Variants in PHEX observed in about 807,000 individuals in gnomAD.
PHEX encodes the protein phosphate regulating endopeptidase X-linked, also known as phosphate-regulating neutral endopeptidase PHEX.
Under a neutral mutation model 68.0 loss-of-function variants are expected in PHEX, and 16 were observed. The observed-to-expected ratio is 0.24, with a 90% confidence interval of 0.16 to 0.36. PHEX has a LOEUF of 0.36. Among genes scored for constraint, PHEX ranks in the 10% least tolerant of loss-of-function variants. PHEX has a pLI of 1.00. For missense variants in PHEX, 480 were observed against 575.5 expected, an observed-to-expected ratio of 0.83 and a Z score of 1.70; for synonymous variants, 208 against 205.1, an observed-to-expected ratio of 1.01 and a Z score of -0.12.
Position 22,089,017 on chromosome X carries a change from G to A in PHEX, c.664-1412G>A, listed in dbSNP as rs536650548. Among the ~76,000 whole-genome samples the A allele has an allele frequency of 1.6e-3, 179 of 111,864 alleles. 1 individual carries two copies. The highest frequency in any genetic ancestry group is 2.4e-3 in the Non-Finnish European group (127 of 53,127). ...AAGGTTTATTTTCTTTTTGCTTATG[G>A]ATGCCCAGTTTTTCTTTTCTTTGAG... On this transcript the variant is annotated intron_variant, in intron 5 of 21. Coordinates refer to ENST00000379374, the MANE Select transcript of PHEX (RefSeq NM_000444.6).
At position 22,240,977 on chromosome X, in the gene PHEX, T is replaced by A. The variant is rs773653237; in HGVS notation, c.2071-4356T>A. On this transcript the variant is annotated intron_variant, in intron 20 of 21. Coordinates refer to ENST00000379374, the MANE Select transcript of PHEX (RefSeq NM_000444.6). ...AATCAAATCAACAGAATATACATTC[T>A]TCTCAGCACCACATCACACTTATTC... Among the ~76,000 whole-genome samples, 3 of 112,304 alleles carry A rather than the reference T, an allele frequency of 2.7e-5. No individual in the cohort carries two copies. In the East Asian group the frequency reaches 8.3e-4, roughly 31 times the overall value.
intron 12 of PHEX, among the ~76,000 whole-genome samples, chrX:22,148,311 C>A (rs1319995319): frequency 1.8e-5 from 2 of 111,131 alleles, no homozygotes; most frequent in African/African-American, 6.5e-5. Context: ...AAAGCAGAAG[C>A]TGCCGGTCCT....
chrX:22,071,823 C>A (rs1015601143), intron 3 of PHEX, among the ~76,000 whole-genome samples: 1 of 112,606 alleles, frequency 8.9e-6, no homozygotes, highest in African/African-American at 3.2e-5. Flanking sequence ...TGTCACCGGG[C>A]GCGGTGGCTC....
chrX:22,230,935 A>AT (rs1046533167), intron 20 of PHEX, among the ~76,000 whole-genome samples: 11 of 111,655 alleles, frequency 9.9e-5, no homozygotes, highest in Admixed American at 3.8e-4. Flanking sequence ...AGCTCTTCCA[A>AT]TTTTGAGATA....
At chrX:22,148,745 C>T (rs774737962) in intron 12 of PHEX, among the ~76,000 whole-genome samples, 10 of 111,301 alleles carry the variant, frequency 9.0e-5, no homozygotes, top group Non-Finnish European at 1.3e-4. Flanking sequence ...ATTTTTCTTT[C>T]TGTGTTTTGC....
Position 22,226,436 on chromosome X carries a change from C to CTGTT in PHEX, c.1900-6_1900-3dup, listed in dbSNP as rs745411729. 19 of 1,163,631 alleles carry CTGTT rather than the reference C, an allele frequency of 1.6e-5. No homozygotes were observed. Among genetic ancestry groups the CTGTT allele is most frequent in the South Asian group, 1.3e-4 (7 of 53,733 alleles). ...ATTTTTTTTTTTTCCTTTTTTCTTTCTGTTAGGTCAAGGGGAAGAGGACCC... is the reference window on the plus strand; with the variant it reads ...ATTTTTTTTTTTTCCTTTTTTCTTTCTGTTTGTTAGGTCAAGGGGAAGAGGACCC... On this transcript the variant is annotated splice_region_variant and splice_polypyrimidine_tract_variant and intron_variant, in intron 18 of 21. Coordinates refer to ENST00000379374, the MANE Select transcript of PHEX (RefSeq NM_000444.6).
intron 20 of PHEX, among the ~76,000 whole-genome samples, chrX:22,228,275 C>A (rs1008081415): frequency 3.6e-5 from 4 of 111,410 alleles, no homozygotes; most frequent in African/African-American, 1.3e-4. Context: ...GCAGCCTTTT[C>A]AAAGAAGTCA....
chrX:22,044,148 G>T (rs182057094), intron 2 of PHEX, among the ~76,000 whole-genome samples: 1 of 110,621 alleles, frequency 9.0e-6, no homozygotes, highest in East Asian at 2.8e-4. Context: ...GAATACTGGC[G>T]AGATGGAGAG....
At chrX:22,109,641 A>G (rs1930866244) in intron 9 of PHEX, among the ~76,000 whole-genome samples, 1 of 111,478 alleles carries the variant, frequency 9.0e-6, no homozygotes, top group African/African-American at 3.3e-5. Flanking sequence ...CCAGAAAGCC[A>G]TTTCAGGAAT....
At chrX:22,193,040 C>A (rs1380668122) in intron 15 of PHEX, among the ~76,000 whole-genome samples, 1 of 111,327 alleles carries the variant, frequency 9.0e-6, no homozygotes, top group African/African-American at 3.3e-5. Context: ...AATGTCACTT[C>A]TTACTGTATA....
At chrX:22,094,159 C>T (rs1338841006) in intron 7 of PHEX, 60 bp downstream of exon 7, 2 of 673,134 alleles carry the variant, frequency 3.0e-6, no homozygotes, top group African/African-American at 4.3e-5. Context: ...CCTTTACTTT[C>T]TTTTCCTTTC....
rs151243475 is a variant in PHEX at position 22,121,071 on chromosome X, T to C, written c.1302+6485T>C. Among the ~76,000 whole-genome samples the C allele has an allele frequency of 7.1e-3, 799 of 112,324 alleles. 11 individuals are homozygous for C. Among genetic ancestry groups the C allele is most frequent in the African/African-American group, 0.024 (737 of 30,962 alleles). ...TCTCATCTCTGCCAGTAGGTATTTT[T>C]TGCTGCTCCCTCAAATTTTCTGCAT... On this transcript the variant is annotated intron_variant, in intron 11 of 21. Transcript: ENST00000379374.
chrX:22,131,535 C>A (rs1347715548), intron 11 of PHEX, among the ~76,000 whole-genome samples: 5 of 113,151 alleles, frequency 4.4e-5, no homozygotes, highest in African/African-American at 6.4e-5. Flanking sequence ...CCCCGACCCC[C>A]TTCCATCTGC....
intron 3 of PHEX, among the ~76,000 whole-genome samples, chrX:22,062,125 C>A (rs1928395482): frequency 9.0e-6 from 1 of 111,474 alleles, no homozygotes; most frequent in Non-Finnish European, 1.9e-5. Context: ...CCATGACGTT[C>A]TTCCCTCAAC....
chrX:22,233,705 TTCATCTAACCTGTTTTCAA>T (rs914021591), intron 20 of PHEX, among the ~76,000 whole-genome samples: 3 of 111,402 alleles, frequency 2.7e-5, no homozygotes, highest in South Asian at 7.7e-4. Context: ...TAGCTAGCAA[TTCATCTAACCTGTTTTCAA>T]GGTTCTTAGC....
At chrX:22,206,030 A>G (rs1934701415) in intron 15 of PHEX, among the ~76,000 whole-genome samples, 1 of 112,241 alleles carries the variant, frequency 8.9e-6, no homozygotes, top group Non-Finnish European at 1.9e-5. Context: ...AACTGGCTGG[A>G]CTATTTAGCT....
chrX:22,207,781 C>T (rs1017801237), intron 15 of PHEX, among the ~76,000 whole-genome samples: 1 of 111,121 alleles, frequency 9.0e-6, no homozygotes, highest in African/African-American at 3.3e-5. Flanking sequence ...ACCCTATATA[C>T]CCAAAATATT....
chrX:22,152,460 C>A (rs766196115), intron 12 of PHEX, among the ~76,000 whole-genome samples: 2 of 111,881 alleles, frequency 1.8e-5, no homozygotes, highest in Non-Finnish European at 3.8e-5. Context: ...TCCATTCCAT[C>A]TGACCCTCTA....
chrX:22,239,576 G>A (rs1446484947), intron 20 of PHEX, among the ~76,000 whole-genome samples: 6 of 110,523 alleles, frequency 5.4e-5, no homozygotes, highest in Non-Finnish European at 9.4e-5. Context: ...AACACAGCAC[G>A]AGAACTTTGT....
Sources: gnomAD v4.1 joint callset for allele counts (sites outside exome capture counted in the v4.1 genomes callset) on GRCh38, gnomAD v4.1.1 for gene constraint, MANE v1.5 for transcripts, NCBI Gene and HGNC (gene_info 2026-07-23, HGNC 2026-07-21) for gene names.